The following IARS2 variants were observed in gnomAD, a reference collection of about 807,000 sequenced individuals.
The protein encoded by IARS2 is isoleucyl-tRNA synthetase 2, mitochondrial.
Under a neutral mutation model 126.3 loss-of-function variants are expected in IARS2, and 56 were observed. The ratio of observed to expected loss-of-function variants is 0.44; its 90% CI spans 0.36 to 0.55. IARS2 has a LOEUF of 0.55. Among genes scored for constraint, IARS2 ranks in the 20% least tolerant of loss-of-function variants. The pLI is 0.00. For missense variants in IARS2, 1,127 were observed against 1,245.9 expected, an observed-to-expected ratio of 0.90 and a Z score of 1.44; for synonymous variants, 407 against 441.1, an observed-to-expected ratio of 0.92 and a Z score of 0.97.
At chr1:220,136,725 G>A (rs1345228536) in intron 15 of IARS2, 84 bp from the exon 16 acceptor site, 2 of 561,478 alleles carry the variant, frequency 3.6e-6, no homozygotes, top group Non-Finnish European at 6.2e-6. Flanking sequence ...GTCAAACTTA[G>A]ATACTCTTTT....
Position 220,102,250 on chromosome 1 carries a change from G to A in IARS2, c.672G>A (p.Leu224=). ...ATGGGAAGTATGAAGCCAAACAGTT[G>A]AGAACTTTTTACCAAATGTATGATA... ...TFDGKYEAKQ[L]RTFYQMYDKG... The change falls in exon 4 of 23, where the codon TTG becomes TTA. Residue 224 remains leucine (L), a synonymous_variant. Transcript: ENST00000366922. 1.2e-6 allele frequency: 2 copies of A among 1,608,836 alleles called. No individual in the cohort carries two copies. The highest frequency in any genetic ancestry group is 1.7e-6 in the Non-Finnish European group (2 of 1,178,880).
At position 220,140,314 on chromosome 1, in the gene IARS2, G is replaced by A. The variant is rs199610417; in HGVS notation, c.2414+25G>A. The A allele has an allele frequency of 7.6e-5, 104 of 1,360,474 alleles. No individual in the cohort carries two copies. The East Asian group carries it at 2.3e-3, about 30-fold the overall frequency. The allele number at this position is 1,360,474 out of a possible 1,614,324, so 84.3% of individuals were successfully genotyped here. A position where few individuals can be genotyped will look rare whatever the true frequency, so the allele number is the denominator to read the frequency against. On this transcript the variant is annotated intron_variant, in intron 19 of 22. Transcript: ENST00000366922. ...GGTATGTATGACTAAATATTAAAAT[G>A]CTTAACAATGGCCAGGTGTGGTGAC...
At chr1:220,121,624 A>G (rs1292552791) in intron 12 of IARS2, among the ~76,000 whole-genome samples, 5 of 152,128 alleles carry the variant, frequency 3.3e-5, no homozygotes, top group Non-Finnish European at 5.9e-5. Flanking sequence ...TTTTTTTTAA[A>G]ATAGATGTGG....
rs1046493918 is a variant in IARS2 at position 220,116,263 on chromosome 1, T to C, written c.1640+1789T>C. Among the ~76,000 whole-genome samples, 2 of 152,154 alleles carry C rather than the reference T, an allele frequency of 1.3e-5. 1 individual carries two copies. Among genetic ancestry groups the C allele is most frequent in the Non-Finnish European group, 2.9e-5 (2 of 68,014 alleles). On this transcript the variant is annotated intron_variant, in intron 12 of 22. Coordinates refer to ENST00000366922, the MANE Select transcript of IARS2 (RefSeq NM_018060.4). The stretch of plus-strand genomic sequence containing the variant: ...TCAAGCACTTAGTACGTGTCAGTGC[T>C]AGGAACTGCTAGTTGCTACAGTGAA...
rs751609242 is a variant in IARS2, at chr1:220,147,482, T to A, written c.2897-11T>A. Reference sequence around the variant, plus strand: ...GCCTATCAGAAATACTCTTCATGTATTTTTTTATAGGTGGTGATATTCGTG... The same window carrying A: ...GCCTATCAGAAATACTCTTCATGTAATTTTTTATAGGTGGTGATATTCGTG... On this transcript the variant is annotated splice_polypyrimidine_tract_variant and intron_variant, in intron 22 of 22. Transcript: ENST00000366922. 3.1e-6 allele frequency: 5 copies of A among 1,611,562 alleles called. No homozygotes were observed. The East Asian group carries it at 1.1e-4, about 36-fold the overall frequency.
chr1:220,094,382 A>C lies in IARS2; in HGVS notation c.166A>C (p.Asn56His). ...GGCCAGTAACCACCAGCCGAACTCG[A>C]ATAGTGGCAGATACCGGGACACGGT... ...SGASNHQPNS[N>H]SGRYRDTVLL... The change falls in exon 1 of 23, where the codon AAT (asparagine) becomes CAT (histidine). Residue 56 changes from asparagine to histidine, a missense_variant. By Grantham distance (68) the Asn-to-His change is moderately conservative (BLOSUM62 1). Coordinates refer to ENST00000366922, the MANE Select transcript of IARS2 (RefSeq NM_018060.4). 1 of 1,613,066 alleles carries C rather than the reference A, an allele frequency of 6.2e-7. No homozygotes were observed. The highest frequency in any genetic ancestry group is 8.5e-7 in the Non-Finnish European group (1 of 1,179,684).
chr1:220,101,840 A>C (rs538850028), intron 3 of IARS2, among the ~76,000 whole-genome samples: 1 of 152,180 alleles, frequency 6.6e-6, no homozygotes, highest in East Asian at 1.9e-4. Context: ...CTCTACTAAA[A>C]CTACAAAAAA....
chr1:220,094,414 G>T lies in IARS2; in HGVS notation c.198G>T (p.Leu66=), dbSNP rs1001141527. ...GCAGATACCGGGACACGGTGCTGCT[G>T]CCGCAGACGAGCTTCCCCATGAAGC... The part of the protein sequence containing the change: ...NSGRYRDTVL[L]PQTSFPMKLL... The change falls in exon 1 of 23, where the codon CTG becomes CTT. Residue 66 remains leucine, a synonymous_variant. Transcript: ENST00000366922. 3 of 1,611,736 alleles carry T rather than the reference G, an allele frequency of 1.9e-6. No homozygotes were observed. Among genetic ancestry groups the T allele is most frequent in the Admixed American group, 3.3e-5 (2 of 59,966 alleles).
intron 13 of IARS2, among the ~76,000 whole-genome samples, chr1:220,125,974 G>A (rs1246493456): frequency 2.6e-5 from 4 of 151,846 alleles, no homozygotes; most frequent in Non-Finnish European, 5.9e-5. Context: ...GGGTGCGATG[G>A]TGGGCGCCTG....
At chr1:220,140,901 G>C (rs1037214205) in intron 19 of IARS2, among the ~76,000 whole-genome samples, 2 of 149,528 alleles carry the variant, frequency 1.3e-5, no homozygotes, top group Non-Finnish European at 3.0e-5. Context: ...GGAGAATGGC[G>C]TGAACCCGGG....
chr1:220,102,918 T>C (rs1046217829), intron 7 of IARS2, 141 bp downstream of exon 7: 4 of 626,034 alleles, frequency 6.4e-6, no homozygotes, highest in Non-Finnish European at 1.1e-5. Context: ...ATATAGATTT[T>C]ATTAACCTTT....
At position 220,134,509 on chromosome 1, in the gene IARS2, A is replaced by G. The variant is rs1248586998; in HGVS notation, c.1945A>G (p.Lys649Glu). 4.4e-6 allele frequency: 7 copies of G among 1,605,868 alleles called. No homozygotes were observed. The highest frequency in any genetic ancestry group is 6.0e-6 in the Non-Finnish European group (7 of 1,174,428). Reference sequence around the variant, plus strand: ...GGCAGCAAGGAAGAGAGCACCTTATAAGTAAGTATTTATGCCTGAACCAAC... The same window carrying G: ...GGCAGCAAGGAAGAGAGCACCTTATGAGTAAGTATTTATGCCTGAACCAAC... ...SVAARKRAPYKTVIVHGFTLG... is the reference protein window; with the variant it reads ...SVAARKRAPYETVIVHGFTLG... The change falls in exon 15 of 23, where the codon AAG (lysine) becomes GAG (glutamate). Residue 649 changes from lysine (K) to glutamate (E), a missense_variant and splice_region_variant. Coordinates refer to ENST00000366922, the MANE Select transcript of IARS2 (RefSeq NM_018060.4).
At chr1:220,122,003 A>G (rs1414549317) in intron 12 of IARS2, among the ~76,000 whole-genome samples, 1 of 152,138 alleles carries the variant, frequency 6.6e-6, no homozygotes, top group Non-Finnish European at 1.5e-5. Context: ...AGGCGGGAGG[A>G]TTACTTGACG....
intron 15 of IARS2, among the ~76,000 whole-genome samples, chr1:220,135,719 A>G (rs1160517667): frequency 6.7e-6 from 1 of 148,860 alleles, no homozygotes; most frequent in Admixed American, 6.8e-5. Context: ...GGCAGATCCT[A>G]TTTTTTTCAA....
rs780849818 is a variant in IARS2 at position 220,102,153 on chromosome 1, T to C, written c.575T>C (p.Ile192Thr). 86 of 1,605,648 alleles carry C rather than the reference T, an allele frequency of 5.4e-5. No individual in the cohort carries two copies. Among genetic ancestry groups the C allele is most frequent in the Non-Finnish European group, 7.2e-5 (85 of 1,178,204 alleles). Residue 192 changes from isoleucine to threonine, a missense_variant, in exon 4 of 23, where the codon ATT (isoleucine) becomes ACT (threonine). Transcript: ENST00000366922. ...KKARSFAKAAIEKQKSAFIRW... is the reference protein window; with the variant it reads ...KKARSFAKAATEKQKSAFIRW... ...GCTAGATCATTTGCTAAAGCAGCCA[T>C]TGAGAAACAGAAATCAGCATTTATT...
chr1:220,136,113 A>G (rs527685348), intron 15 of IARS2, among the ~76,000 whole-genome samples: 4 of 152,284 alleles, frequency 2.6e-5, no homozygotes, highest in East Asian at 3.9e-4. Flanking sequence ...CTGTTTGACT[A>G]TTGTGATACA....
At chr1:220,140,985 A>C in intron 19 of IARS2, among the ~76,000 whole-genome samples, 1 of 126,292 alleles carries the variant, frequency 7.9e-6, no homozygotes, top group East Asian at 2.3e-4. Flanking sequence ...CTCCGTCTCA[A>C]AAAAAAAAAA....
At chr1:220,145,384 T>C in intron 21 of IARS2, 125 bp from the exon 22 acceptor site, 2 of 728,918 alleles carry the variant, frequency 2.7e-6, no homozygotes, top group East Asian at 2.8e-5. Context: ...TGATGTTTGC[T>C]CAGGATGCAA....
chr1:220,102,846 A>T, intron 7 of IARS2, 69 bp downstream of exon 7: 1 of 865,998 alleles, frequency 1.2e-6, no homozygotes, highest in Non-Finnish European at 1.9e-6. Flanking sequence ...CATTATTTTG[A>T]ATTTATTTTA....
Sources: allele counts gnomAD v4.1 joint callset (sites outside exome capture counted in the v4.1 genomes callset), GRCh38; gene constraint gnomAD v4.1.1; transcripts MANE v1.5; gene names NCBI Gene and HGNC (gene_info 2026-07-23, HGNC 2026-07-21).